Variants in TEX11 observed in about 807,000 individuals in gnomAD.
The protein encoded by TEX11 is testis expressed 11, also known as testis-expressed protein 11.
In TEX11, 7 loss-of-function variants were observed where a neutral mutation model predicts 84.4. That is an observed-to-expected ratio of 0.08 (90% confidence interval 0.05 to 0.16). The LOEUF (loss-of-function observed/expected upper bound fraction) is 0.16. Ranked by LOEUF, TEX11 falls within the 10% of genes least tolerant of loss-of-function variation. The pLI, the probability that TEX11 is intolerant of heterozygous loss-of-function variation, is 1.00. For synonymous variants in TEX11, 264 were observed against 222.8 expected (o/e 1.18, Z -1.64); for missense variants, 551 against 660.5 (o/e 0.83, Z 1.82).
chrX:70,771,920 T>C (rs1311414790), intron 9 of TEX11, among the ~76,000 whole-genome samples: 1 of 111,516 alleles, frequency 9.0e-6, no homozygotes, highest in Admixed American at 9.6e-5. Flanking sequence ...CCCACCCCCA[T>C]AGCCCCAGGC....
chrX:70,739,466 C>A (rs1451711266), intron 11 of TEX11, among the ~76,000 whole-genome samples: 1 of 101,680 alleles, frequency 9.8e-6, no homozygotes, highest in Non-Finnish European at 2.0e-5. Context: ...GGCTGGAATG[C>A]AGTGGTGCGA....
chrX:70,613,208 C>T (rs777749249), intron 20 of TEX11, among the ~76,000 whole-genome samples: 55 of 111,779 alleles, frequency 4.9e-4, no homozygotes, highest in African/African-American at 1.8e-3. Flanking sequence ...TGTCTACATA[C>T]AAAAAATGAC....
At chrX:70,514,863 T>C in the TEX11 span, among the ~76,000 whole-genome samples, 1 of 109,563 alleles carries the variant, frequency 9.1e-6, no homozygotes, top group South Asian at 3.9e-4. Flanking sequence ...AGGTCAGGAG[T>C]TCGAGACTAG....
chrX:70,708,358 A>G (rs1210457631), intron 13 of TEX11, among the ~76,000 whole-genome samples: 1 of 112,085 alleles, frequency 8.9e-6, no homozygotes, highest in African/African-American at 3.2e-5. Flanking sequence ...GGAAATGTAA[A>G]TTAGTTCAGC....
chrX:70,621,551 AATAT>A (rs1555999800), intron 20 of TEX11, among the ~76,000 whole-genome samples: 6 of 7,817 alleles, frequency 7.7e-4, no homozygotes, highest in African/African-American at 1.9e-3. Context: ...AAAAAAAAAA[AATAT>A]ATATATATAT....
intron 16 of TEX11, among the ~76,000 whole-genome samples, chrX:70,653,387 G>T (rs1378576148): frequency 2.7e-5 from 3 of 111,918 alleles, no homozygotes; most frequent in Non-Finnish European, 3.8e-5. Context: ...AAGACCTGAA[G>T]AAACACTTCA....
the TEX11 span, among the ~76,000 whole-genome samples, chrX:70,520,527 C>T: frequency 6.3e-5 from 7 of 111,932 alleles, no homozygotes; most frequent in African/African-American, 2.3e-4. Flanking sequence ...CTCAGAGGGG[C>T]ACTCTGCTGT....
chrX:70,722,456 G>T (rs1159251685), intron 13 of TEX11, among the ~76,000 whole-genome samples, 162 bp downstream of exon 13: 1 of 109,747 alleles, frequency 9.1e-6, no homozygotes, highest in Admixed American at 9.7e-5. Flanking sequence ...AAAATATTTT[G>T]TAGAGATGGG....
Position 70,740,799 on chromosome X carries a change from G to T in TEX11, c.748-3C>A. On this transcript the variant is annotated splice_polypyrimidine_tract_variant and splice_region_variant and intron_variant, in intron 10 of 29. Transcript: ENST00000374333. ...GCTAATAGCCGTAGAACTTTAGCCT[G>T]TAAGAAAAAAAAAAAGAAAAAAAGC... is the stretch of plus-strand genomic sequence containing the variant. The T allele has an allele frequency of 9.0e-7, 1 of 1,112,717 alleles. No individual in the cohort carries two copies. Among genetic ancestry groups the T allele is most frequent in the Non-Finnish European group, 1.2e-6 (1 of 832,488 alleles). 91.7% of individuals were successfully genotyped at this position (1,112,717 alleles called of 1,213,427 possible). A position where few individuals can be genotyped will look rare whatever the true frequency, so the allele number is the denominator to read the frequency against.
At chrX:70,564,877 G>T (rs1234927529) in intron 25 of TEX11, among the ~76,000 whole-genome samples, 3 of 110,286 alleles carry the variant, frequency 2.7e-5, no homozygotes, top group Non-Finnish European at 5.7e-5. Flanking sequence ...GTGTGCATGT[G>T]TCTTTATAGC....
At chrX:70,830,307 C>T (rs2091370614) in intron 8 of TEX11, among the ~76,000 whole-genome samples, 1 of 111,786 alleles carries the variant, frequency 8.9e-6, no homozygotes, top group South Asian at 3.7e-4. Context: ...GAAAATTCAG[C>T]AAGAGGCTAT....
intron 20 of TEX11, among the ~76,000 whole-genome samples, chrX:70,620,595 A>G (rs1394738184): frequency 8.9e-6 from 1 of 112,126 alleles, no homozygotes; most frequent in East Asian, 2.8e-4. Context: ...TGACCCAGCA[A>G]TCATGCTCCT....
At position 70,613,535 on chromosome X, in the gene TEX11, C is replaced by A. The variant is rs185248413; in HGVS notation, c.1752-2992G>T. Reference sequence around the variant, plus strand: ...CTGTAGCAAGTGGGGAATCTCCCATCCCAGTCGTTGGAATCTGAATTCCAG... The same window carrying A: ...CTGTAGCAAGTGGGGAATCTCCCATACCAGTCGTTGGAATCTGAATTCCAG... On this transcript the variant is annotated intron_variant, in intron 20 of 29. Coordinates refer to ENST00000374333, the MANE Select transcript of TEX11 (RefSeq NM_031276.3). Among the ~76,000 whole-genome samples the A allele has an allele frequency of 2.7e-5, 3 of 112,137 alleles. No homozygotes were observed. In the East Asian group the frequency reaches 8.5e-4, roughly 32 times the overall value.
At chrX:70,894,037 C>A (rs748196503) in intron 2 of TEX11, among the ~76,000 whole-genome samples, 1 of 111,089 alleles carries the variant, frequency 9.0e-6, no homozygotes, top group South Asian at 3.8e-4. Flanking sequence ...AAGTCAAATC[C>A]CTGAATAGAC....
At chrX:70,862,939 G>C (rs962605035) in intron 4 of TEX11, among the ~76,000 whole-genome samples, 4 of 109,154 alleles carry the variant, frequency 3.7e-5, no homozygotes, top group African/African-American at 1.3e-4. Context: ...AAGAAGAGGG[G>C]AAGTTCGGAC....
At chrX:70,727,471 C>T (rs888340846) in intron 11 of TEX11, among the ~76,000 whole-genome samples, 2 of 111,977 alleles carry the variant, frequency 1.8e-5, no homozygotes, top group Non-Finnish European at 3.8e-5. Context: ...CATAAAAAGC[C>T]TCAAATGTAT....
rs147997247 is a variant in TEX11, at chrX:70,677,609, T to C, written c.1242+1195A>G. Reference sequence around the variant, plus strand: ...AGTTTATCAATCTTTTCTTTTACAATGCCTAATCTACGCTATGTGGTCCTC... The same window carrying C: ...AGTTTATCAATCTTTTCTTTTACAACGCCTAATCTACGCTATGTGGTCCTC... On this transcript the variant is annotated intron_variant, in intron 15 of 29. Transcript: ENST00000374333. 2.8e-3 allele frequency among the ~76,000 whole-genome samples: 306 copies of C among 110,765 alleles called. 1 individual carries two copies. Among genetic ancestry groups the C allele is most frequent in the African/African-American group, 9.5e-3 (288 of 30,451 alleles).
chrX:70,686,938 A>G (rs1204817460), intron 13 of TEX11, among the ~76,000 whole-genome samples: 1 of 111,702 alleles, frequency 9.0e-6, no homozygotes, highest in Non-Finnish European at 1.9e-5. Flanking sequence ...AGTTTTAAAA[A>G]AAGAAGTACC....
chrX:70,586,046 G>C (rs757764533), intron 25 of TEX11, among the ~76,000 whole-genome samples: 1 of 112,519 alleles, frequency 8.9e-6, no homozygotes, highest in Non-Finnish European at 1.9e-5. Context: ...GCAAAACTCC[G>C]TCTCAAAACA....
Sources: gnomAD v4.1 joint callset for allele counts (sites outside exome capture counted in the v4.1 genomes callset) on GRCh38, gnomAD v4.1.1 for gene constraint, MANE v1.5 for transcripts, NCBI Gene and HGNC (gene_info 2026-07-23, HGNC 2026-07-21) for gene names.